Variants in AGBL4 observed in about 807,000 individuals in gnomAD.
The protein encoded by AGBL4 is cytosolic carboxypeptidase 6.
Under a neutral mutation model 66.4 loss-of-function variants are expected in AGBL4, and 58 were observed. The observed-to-expected ratio is 0.87, with a 90% CI of 0.71 to 1.09. The LOEUF (loss-of-function observed/expected upper bound fraction) is 1.09. AGBL4 is among the 50% of genes least tolerant of loss of function. AGBL4 has a pLI of 0.00. For synonymous variants in AGBL4, 234 were observed against 222.9 expected (o/e 1.05, Z -0.44); for missense variants, 579 against 631.0 (o/e 0.92, Z 0.88).
intron 2 of AGBL4, among the ~76,000 whole-genome samples, chr1:49,796,829 A>G (rs981533943): frequency 3.3e-5 from 5 of 152,006 alleles, no homozygotes; most frequent in African/African-American, 1.2e-4. Flanking sequence ...TCAATATTTA[A>G]AAGTGACTTT....
chr1:48,760,739 C>T (rs1042784967), intron 6 of AGBL4, among the ~76,000 whole-genome samples: 9 of 152,164 alleles, frequency 5.9e-5, no homozygotes, highest in African/African-American at 1.9e-4. Flanking sequence ...ACTTCCTTAT[C>T]GTCCTTCTCC....
At chr1:49,654,064 C>T (rs982651342) in intron 3 of AGBL4, among the ~76,000 whole-genome samples, 1 of 152,116 alleles carries the variant, frequency 6.6e-6, no homozygotes, top group Non-Finnish European at 1.5e-5. Context: ...ATTTTAAGGG[C>T]AGCCAGAGAG....
At chr1:50,001,820 A>G (rs1447058527) in intron 1 of AGBL4, among the ~76,000 whole-genome samples, 2 of 152,176 alleles carry the variant, frequency 1.3e-5, no homozygotes, top group African/African-American at 4.8e-5. Context: ...TTTTGAAATA[A>G]TTGACAATCA....
At chr1:49,453,196 G>A (rs1046577190) in intron 3 of AGBL4, among the ~76,000 whole-genome samples, 4 of 151,804 alleles carry the variant, frequency 2.6e-5, no homozygotes, top group Non-Finnish European at 5.9e-5. Flanking sequence ...ACCATACAAT[G>A]TCACCATTCA....
At chr1:49,180,134 G>T (rs911786215) in intron 4 of AGBL4, among the ~76,000 whole-genome samples, 2 of 152,070 alleles carry the variant, frequency 1.3e-5, no homozygotes, top group Non-Finnish European at 2.9e-5. Flanking sequence ...CTGACCTCAG[G>T]TGATCCGCCC....
At chr1:49,767,086 T>G (rs1355704075) in intron 2 of AGBL4, among the ~76,000 whole-genome samples, 1 of 151,948 alleles carries the variant, frequency 6.6e-6, no homozygotes, top group East Asian at 1.9e-4. Flanking sequence ...GCACATAAAT[T>G]TAACACTTCA....
intron 3 of AGBL4, among the ~76,000 whole-genome samples, chr1:49,426,742 G>T (rs1645669054): frequency 6.6e-6 from 1 of 152,154 alleles, no homozygotes; most frequent in African/African-American, 2.4e-5. Context: ...TGAGAGTCAG[G>T]AGGATTAAGT....
At chr1:49,201,158 C>T (rs961873325) in intron 4 of AGBL4, among the ~76,000 whole-genome samples, 2 of 152,178 alleles carry the variant, frequency 1.3e-5, no homozygotes, top group African/African-American at 4.8e-5. Context: ...GATCCACCAT[C>T]TCCATTCTCA....
intron 9 of AGBL4, among the ~76,000 whole-genome samples, chr1:48,622,001 G>A (rs546083674): frequency 6.6e-6 from 1 of 152,022 alleles, no homozygotes; most frequent in African/African-American, 2.4e-5. Flanking sequence ...ACTCCCTGAA[G>A]TGTTGTCATC....
chr1:48,723,690 T>C (rs189645935), intron 6 of AGBL4, among the ~76,000 whole-genome samples: 56 of 152,348 alleles, frequency 3.7e-4, no homozygotes, highest in African/African-American at 1.3e-3. Flanking sequence ...GTCTTGGCTA[T>C]AATAAAAGAA....
rs1270517982 is a variant in AGBL4 at position 49,851,389 on chromosome 1, T to C, written c.157+7A>G. ...AACTTAAAAGGAAAAGCCTTTAATA[T>C]ACTTACCACTTTCAAAGCAAGCATC... On this transcript the variant is annotated splice_region_variant and intron_variant, in intron 2 of 13. Coordinates refer to ENST00000371839, the MANE Select transcript of AGBL4 (RefSeq NM_032785.4). The C allele has an allele frequency of 1.3e-6, 2 of 1,544,706 alleles. No homozygotes were observed. The highest frequency in any genetic ancestry group is 1.7e-6 in the Non-Finnish European group (2 of 1,144,442).
chr1:49,933,212 C>T (rs918577435), intron 1 of AGBL4, among the ~76,000 whole-genome samples: 4 of 152,036 alleles, frequency 2.6e-5, no homozygotes, highest in Middle Eastern at 3.2e-3. Flanking sequence ...GTTCCCAAGG[C>T]TATCACCAAT....
At chr1:50,008,625 C>T (rs549836487) in intron 1 of AGBL4, among the ~76,000 whole-genome samples, 2 of 150,896 alleles carry the variant, frequency 1.3e-5, no homozygotes, top group East Asian at 3.9e-4. Context: ...GCAAGACAAA[C>T]CCAAAATTAA....
At chr1:49,165,733 TAGAA>T (rs1345754707) in intron 4 of AGBL4, among the ~76,000 whole-genome samples, 3 of 146,612 alleles carry the variant, frequency 2.0e-5, no homozygotes, top group South Asian at 2.2e-4. Flanking sequence ...AAGAAAAAGA[TAGAA>T]AGAGAAAAAT....
At chr1:48,700,914 T>C (rs1161856657) in intron 6 of AGBL4, among the ~76,000 whole-genome samples, 2 of 152,112 alleles carry the variant, frequency 1.3e-5, no homozygotes, top group African/African-American at 4.8e-5. Context: ...TCCACTATCT[T>C]TGTTCTTTCC....
intron 2 of AGBL4, among the ~76,000 whole-genome samples, chr1:49,714,493 G>A (rs1396060627): frequency 1.3e-5 from 2 of 150,960 alleles, no homozygotes; most frequent in African/African-American, 4.9e-5. Context: ...TTTCACTTAA[G>A]ATAATGGTCT....
chr1:49,282,561 C>A (rs898849397), intron 3 of AGBL4, among the ~76,000 whole-genome samples: 2 of 152,182 alleles, frequency 1.3e-5, no homozygotes, highest in African/African-American at 4.8e-5. Context: ...CAGCTCCCAG[C>A]GTGAGCGACG....
chr1:49,081,609 T>C (rs1407238019), intron 4 of AGBL4, among the ~76,000 whole-genome samples: 1 of 152,230 alleles, frequency 6.6e-6, no homozygotes, highest in Non-Finnish European at 1.5e-5. Flanking sequence ...CTCCAGAGCC[T>C]GAAAGTAGCC....
At chr1:48,833,762 G>A (rs974681066) in intron 6 of AGBL4, among the ~76,000 whole-genome samples, 5 of 152,140 alleles carry the variant, frequency 3.3e-5, no homozygotes, top group Non-Finnish European at 7.4e-5. Flanking sequence ...AATGAAGCAT[G>A]GTTGTTGGGC....
Sources: allele counts gnomAD v4.1 joint callset (sites outside exome capture counted in the v4.1 genomes callset), GRCh38; gene constraint gnomAD v4.1.1; transcripts MANE v1.5; gene names NCBI Gene and HGNC (gene_info 2026-07-23, HGNC 2026-07-21).